Variants in PREX2 observed in about 807,000 individuals in gnomAD.
PREX2 encodes the protein phosphatidylinositol-3,4,5-trisphosphate dependent Rac exchange factor 2.
PREX2 carries 107 observed loss-of-function variants against 203.2 expected under a neutral mutation model. The ratio of observed to expected loss-of-function variants is 0.53; its 90% CI spans 0.45 to 0.62. The LOEUF (loss-of-function observed/expected upper bound fraction) is 0.62, where lower values mean the gene tolerates loss of function less well. PREX2 is among the 20% of genes least tolerant of loss of function. The pLI, the probability that PREX2 is intolerant of heterozygous loss-of-function variation, is 0.00. For synonymous variants in PREX2, 672 were observed against 663.6 expected, an observed-to-expected ratio of 1.01 and a Z score of -0.19; for missense variants, 1,777 against 1,955.9, an observed-to-expected ratio of 0.91 and a Z score of 1.72.
At chr8:68,123,662 G>C (rs1467800295) in intron 30 of PREX2, among the ~76,000 whole-genome samples, 1 of 151,728 alleles carries the variant, frequency 6.6e-6, no homozygotes, top group Non-Finnish European at 1.5e-5. Context: ...AAATCTAAAA[G>C]AAATGGATAA....
rs7464247 is a variant in PREX2 at position 68,158,109 on chromosome 8, G to A, written c.4346+673G>A. ...TTCACATATATATGTGTATATATATGTGTGTATATATATGTATATATATAT... is the reference window on the plus strand; with the variant it reads ...TTCACATATATATGTGTATATATATATGTGTATATATATGTATATATATAT... On this transcript the variant is annotated intron_variant, in intron 35 of 39. Transcript: ENST00000288368. 6.2e-3 allele frequency among the ~76,000 whole-genome samples: 136 copies of A among 21,894 alleles called. 1 individual carries two copies. The highest frequency in any genetic ancestry group is 0.059 in the African/African-American group (131 of 2,236). The allele number at this position is 21,894 out of a possible 152,430, so 14.4% of individuals were successfully genotyped here. A position where few individuals can be genotyped will look rare whatever the true frequency, so the allele number is the denominator to read the frequency against.
chr8:68,164,585 CT>C (rs755033458), intron 35 of PREX2, among the ~76,000 whole-genome samples: 2,304 of 135,164 alleles, frequency 0.017, 47 homozygotes, highest in African/African-American at 0.056. Context: ...TTTCTTTTTT[CT>C]TTTTTTTTTT....
Position 68,217,644 on chromosome 8 carries a change from G to A in PREX2, c.4633G>A (p.Ala1545Thr). The part of the protein sequence containing the change: ...RCTLSVTLEQ[A>T]IILARSHGLP... Reference sequence around the variant, plus strand: ...CACCCTGAGCGTGACGCTGGAGCAAGCCATCATTCTGGCCAGAAGCCACGG... The same window carrying A: ...CACCCTGAGCGTGACGCTGGAGCAAACCATCATTCTGGCCAGAAGCCACGG... The change falls in exon 38 of 40, where the codon GCC (alanine) becomes ACC (threonine). Residue 1545 changes from alanine to threonine, a missense_variant. Transcript: ENST00000288368. The A allele has an allele frequency of 6.2e-7, 1 of 1,614,136 alleles. No homozygotes were observed. Among genetic ancestry groups the A allele is most frequent in the Non-Finnish European group, 8.5e-7 (1 of 1,179,994 alleles).
chr8:68,210,873 T>TA (rs1812729961), intron 37 of PREX2, among the ~76,000 whole-genome samples: 1 of 152,210 alleles, frequency 6.6e-6, no homozygotes, highest in African/African-American at 2.4e-5. Context: ...GGTTAACATG[T>TA]AAACAATATC....
chr8:68,109,311 A>G, intron 24 of PREX2, 105 bp from the exon 25 acceptor site: 2 of 798,532 alleles, frequency 2.5e-6, no homozygotes, highest in African/African-American at 1.7e-5. Flanking sequence ...TGTAATACAT[A>G]TAATTTTATC....
intron 37 of PREX2, among the ~76,000 whole-genome samples, chr8:68,201,900 ATTTTTTTTT>A (rs869153263): frequency 1.0e-5 from 1 of 98,256 alleles, no homozygotes; most frequent in Admixed American, 1.2e-4. Flanking sequence ...GGTAACACCT[ATTTTTTTTT>A]TTTTTTTTTT....
intron 35 of PREX2, among the ~76,000 whole-genome samples, chr8:68,157,923 A>G (rs981704186): frequency 2.0e-5 from 3 of 151,940 alleles, no homozygotes; most frequent in Admixed American, 6.6e-5. Context: ...CTTGCATTTT[A>G]CTGTCTTTTT....
Position 68,101,548 on chromosome 8 carries a change from CTT to C in PREX2, c.2715+1708_2715+1709del, listed in dbSNP as rs533196253. ...TGTTGGAGTTGAAGGACAGAAGATT[CTT>C]TTCTTACTTCTCCTTTCTCTATAAA... On this transcript the variant is annotated intron_variant, in intron 23 of 39. Coordinates refer to ENST00000288368, the MANE Select transcript of PREX2 (RefSeq NM_024870.4). 181 of 474,494 alleles carry C rather than the reference CTT, an allele frequency of 3.8e-4. 5 individuals are homozygous for C. Among genetic ancestry groups the C allele is most frequent in the Admixed American group, 3.1e-3 (127 of 41,268 alleles). The allele number at this position is 474,494 out of a possible 1,614,324, so 29.4% of individuals were successfully genotyped here.
In PREX2 at chr8:68,115,746, A is replaced by G; in HGVS notation, c.3147-7A>G. 2 of 1,597,840 alleles carry G rather than the reference A, an allele frequency of 1.3e-6. No homozygotes were observed. On this transcript the variant is annotated splice_polypyrimidine_tract_variant and splice_region_variant and intron_variant, in intron 25 of 39. Coordinates refer to ENST00000288368, the MANE Select transcript of PREX2 (RefSeq NM_024870.4). The stretch of plus-strand genomic sequence containing the variant: ...AATGTGCATTTTTTTTTAATATTAC[A>G]TTGCAGCCTTCTGTCTTCAATAACA...
intron 3 of PREX2, 33 bp downstream of exon 3, chr8:68,019,704 T>G: frequency 6.3e-7 from 1 of 1,584,186 alleles, no homozygotes; most frequent in Non-Finnish European, 8.6e-7. Flanking sequence ...TTAAAAGTTC[T>G]TTTCCCCTAG....
chr8:68,055,189 CTT>C (rs1161226250), intron 9 of PREX2, among the ~76,000 whole-genome samples: 3 of 152,192 alleles, frequency 2.0e-5, no homozygotes, highest in Admixed American at 6.5e-5. Flanking sequence ...GGTTAAAACA[CTT>C]AGCTGCATGC....
chr8:67,977,871 G>A (rs1158345384), intron 1 of PREX2, among the ~76,000 whole-genome samples: 3 of 152,178 alleles, frequency 2.0e-5, no homozygotes, highest in East Asian at 1.9e-4. Flanking sequence ...GCATCCCCTC[G>A]CACAAACCTG....
chr8:68,118,372 A>T (rs1810702133), intron 26 of PREX2, among the ~76,000 whole-genome samples, 178 bp from the exon 27 acceptor site: 1 of 151,412 alleles, frequency 6.6e-6, no homozygotes, highest in Non-Finnish European at 1.5e-5. Context: ...AAAAAAAAAG[A>T]CAGAAAATAT....
intron 7 of PREX2, among the ~76,000 whole-genome samples, chr8:68,042,816 G>T (rs535209051): frequency 6.6e-6 from 1 of 151,936 alleles, no homozygotes; most frequent in African/African-American, 2.4e-5. Flanking sequence ...ACACTTACTG[G>T]AATTTTGTGT....
chr8:68,005,129 C>A lies in PREX2; in HGVS notation c.142-12717C>A, dbSNP rs568890418. On this transcript the variant is annotated intron_variant, in intron 1 of 39. Coordinates refer to ENST00000288368, the MANE Select transcript of PREX2 (RefSeq NM_024870.4). ...TGTGTTTCCTTCAACCCTGTCCTCC[C>A]CAGGGTCTCTCCCATACCGGTAAAT... is the stretch of plus-strand genomic sequence containing the variant. 2.6e-5 allele frequency among the ~76,000 whole-genome samples: 4 copies of A among 152,268 alleles called. No homozygotes were observed. The South Asian group carries it at 8.3e-4, about 32-fold the overall frequency.
rs1585868753 is a variant in PREX2, at chr8:68,213,456, G to A, written c.4605-4160G>A. Among the ~76,000 whole-genome samples the A allele has an allele frequency of 5.9e-5, 9 of 152,180 alleles. No individual in the cohort carries two copies. The South Asian group carries it at 1.9e-3, about 32-fold the overall frequency. ...AAATCCACTCCTGCCAGCAACTTGT[G>A]GTATTTGTAGGTACAAAGTAGACAG... is the stretch of plus-strand genomic sequence containing the variant. On this transcript the variant is annotated intron_variant, in intron 37 of 39. Coordinates refer to ENST00000288368, the MANE Select transcript of PREX2 (RefSeq NM_024870.4).
chr8:68,176,539 G>C (rs1005950946), intron 35 of PREX2, among the ~76,000 whole-genome samples: 1 of 152,090 alleles, frequency 6.6e-6, no homozygotes, highest in South Asian at 2.1e-4. Flanking sequence ...CCCCCAACAG[G>C]CTTGATATTA....
chr8:68,008,438 GAGA>G (rs5892125), intron 1 of PREX2, among the ~76,000 whole-genome samples: 67,276 of 151,764 alleles, frequency 0.44, 18,574 homozygotes, highest in African/African-American at 0.79. Context: ...TTGGTCATGA[GAGA>G]AGGAGAGAAT....
At chr8:68,150,737 G>A (rs554179354) in intron 34 of PREX2, among the ~76,000 whole-genome samples, 5 of 152,142 alleles carry the variant, frequency 3.3e-5, no homozygotes, top group Non-Finnish European at 7.4e-5. Flanking sequence ...CATTACCCAA[G>A]TGAGTCATTG....
Sources: gnomAD v4.1 joint callset for allele counts (sites outside exome capture counted in the v4.1 genomes callset) on GRCh38, gnomAD v4.1.1 for gene constraint, MANE v1.5 for transcripts, NCBI Gene and HGNC (gene_info 2026-07-23, HGNC 2026-07-21) for gene names.